Variants in SRFBP1 observed in about 807,000 individuals in gnomAD.
The protein encoded by SRFBP1 is serum response factor binding protein 1.
Under a neutral mutation model 45.5 loss-of-function variants are expected in SRFBP1, and 47 were observed. That is an observed-to-expected ratio of 1.03 (90% CI 0.82 to 1.32). SRFBP1 has a LOEUF of 1.32. SRFBP1 is among the 40% of genes most tolerant of loss of function. The pLI is 0.00. For missense variants in SRFBP1, 621 were observed against 484.6 expected (o/e 1.28, Z -2.64); for synonymous variants, 203 against 166.3 (o/e 1.22, Z -1.70).
chr5:122,039,809 C>A (rs1220054068), intron 2 of SRFBP1, among the ~76,000 whole-genome samples: 1 of 152,074 alleles, frequency 6.6e-6, no homozygotes, highest in Non-Finnish European at 1.5e-5. Context: ...ATTATCCTTA[C>A]ACATATATGA....
chr5:121,963,216 A>G (rs1297385693), intron 1 of SRFBP1, among the ~76,000 whole-genome samples: 1 of 152,210 alleles, frequency 6.6e-6, no homozygotes, highest in African/African-American at 2.4e-5. Flanking sequence ...AACTTGTGAG[A>G]TGAAGAAGGA....
intron 2 of SRFBP1, among the ~76,000 whole-genome samples, chr5:122,055,829 G>A (rs1471819497): frequency 1.3e-5 from 2 of 152,196 alleles, no homozygotes; most frequent in African/African-American, 4.8e-5. Context: ...TGTTGTGAAA[G>A]TTGAAACCAG....
chr5:122,003,317 C>T lies in SRFBP1; in HGVS notation c.270+8647C>T, dbSNP rs116973680. ...CTGTGATCATGCCACTGCACTCCAG[C>T]ATGGGCAAGAGTGAGACCCTGTCTC... On this transcript the variant is annotated intron_variant, in intron 4 of 7. Transcript: ENST00000339397. 5.2e-3 allele frequency among the ~76,000 whole-genome samples: 764 copies of T among 145,992 alleles called. 20 individuals carry two copies. In the East Asian group the frequency reaches 0.053, roughly 10 times the overall value.
chr5:122,003,832 A>G (rs184627357), intron 4 of SRFBP1, among the ~76,000 whole-genome samples: 4 of 152,066 alleles, frequency 2.6e-5, no homozygotes, highest in East Asian at 1.9e-4. Context: ...CATTTTTTAT[A>G]TATCTGTTGG....
chr5:121,972,636 A>G (rs137917876), intron 1 of SRFBP1, among the ~76,000 whole-genome samples: 6 of 152,034 alleles, frequency 3.9e-5, no homozygotes, highest in African/African-American at 1.4e-4. Context: ...GTTATCATGT[A>G]TCTAAACTGC....
At chr5:121,994,410 T>C (rs1279036404) in intron 3 of SRFBP1, among the ~76,000 whole-genome samples, 189 bp from the exon 4 acceptor site, 1 of 151,982 alleles carries the variant, frequency 6.6e-6, no homozygotes, top group East Asian at 1.9e-4. Context: ...ATAGGCACAT[T>C]ACACTAATTC....
intron 3 of SRFBP1, among the ~76,000 whole-genome samples, chr5:121,988,219 C>A (rs1347890648): frequency 6.6e-6 from 1 of 152,084 alleles, no homozygotes; most frequent in African/African-American, 2.4e-5. Context: ...AGCCACAAAG[C>A]AGAATACAAG....
At chr5:122,077,485 C>A (rs750884711), downstream of SRFBP1, 2 of 1,613,994 alleles carry the variant, frequency 1.2e-6, no homozygotes, top group Non-Finnish European at 1.7e-6. This position sits in a 1 kb window ranked among gnomAD's most constrained non-coding sequence, Gnocchi z 4.9. Flanking sequence ...GGTCGTCGCC[C>A]ACCATGCCGT....
At chr5:122,054,855 C>T (rs983114858) in intron 2 of SRFBP1, among the ~76,000 whole-genome samples, 2 of 152,170 alleles carry the variant, frequency 1.3e-5, no homozygotes, top group African/African-American at 2.4e-5. Context: ...CACACCTTTT[C>T]ATTTTTTCCC....
chr5:122,063,369 T>C (rs1754217339), intron 2 of SRFBP1: 1 of 151,906 alleles, frequency 6.6e-6, no homozygotes, highest in African/African-American at 2.4e-5. Context: ...CTGAAAAATT[T>C]GGGAGAAGCT....
chr5:121,966,879 A>G (rs1001298202), intron 1 of SRFBP1, among the ~76,000 whole-genome samples: 1 of 150,066 alleles, frequency 6.7e-6, no homozygotes, highest in Non-Finnish European at 1.5e-5. Context: ...TCCTGGGTTC[A>G]CGCCATTCTT....
rs1008653995 is a variant in SRFBP1, at chr5:122,027,823, A to G, written c.*697A>G. On this transcript the variant is annotated 3_prime_UTR_variant, in exon 8 of 8. Transcript: ENST00000339397. ...AATAGTTGTCTAGGACAATTTTGGG[A>G]TTCTTAATTATATTTTAGTTAAGAA... 3 of 152,176 alleles carry G rather than the reference A, an allele frequency of 2.0e-5. No individual in the cohort carries two copies. Among genetic ancestry groups the G allele is most frequent in the African/African-American group, 7.2e-5 (3 of 41,450 alleles). The allele number at this position is 152,176 out of a possible 1,614,324, so 9.4% of individuals were successfully genotyped here. A position where few individuals can be genotyped will look rare whatever the true frequency, so the allele number is the denominator to read the frequency against.
chr5:122,014,613 A>G (rs1353991487), intron 4 of SRFBP1, among the ~76,000 whole-genome samples: 1 of 152,188 alleles, frequency 6.6e-6, no homozygotes, highest in Non-Finnish European at 1.5e-5. Flanking sequence ...TAATTATAGA[A>G]TTGTAAATCT....
intron 2 of SRFBP1, among the ~76,000 whole-genome samples, chr5:122,069,543 T>C (rs772082957): frequency 6.6e-6 from 1 of 152,128 alleles, no homozygotes; most frequent in Non-Finnish European, 1.5e-5. Flanking sequence ...CCTCAATCTT[T>C]TGCAGAGTAT....
In SRFBP1 at chr5:121,963,689, T is replaced by G. The variant is rs78022093; in HGVS notation, c.36+1621T>G. Among the ~76,000 whole-genome samples, 788 of 152,316 alleles carry G rather than the reference T, an allele frequency of 5.2e-3. 20 individuals carry two copies. In the East Asian group the frequency reaches 0.053, roughly 10 times the overall value. ...GTAACTGTTTCTGTCTTCCTGTGTT[T>G]ATGTGTCTATCATGTGTAGCACATA... On this transcript the variant is annotated intron_variant, in intron 1 of 7. Coordinates refer to ENST00000339397, the MANE Select transcript of SRFBP1 (RefSeq NM_152546.3).
At chr5:121,997,757 A>C (rs567389198) in intron 4 of SRFBP1, among the ~76,000 whole-genome samples, 1 of 151,936 alleles carries the variant, frequency 6.6e-6, no homozygotes, top group Non-Finnish European at 1.5e-5. Flanking sequence ...AATTTTCGCA[A>C]CCTACTCATC....
chr5:122,008,407 T>C (rs1276259086), intron 4 of SRFBP1, among the ~76,000 whole-genome samples: 1 of 152,136 alleles, frequency 6.6e-6, no homozygotes, highest in Non-Finnish European at 1.5e-5. Context: ...CTGGTTTTAC[T>C]GGAGTAGGTT....
chr5:122,065,699 T>C (rs533831152), intron 2 of SRFBP1: 1 of 152,074 alleles, frequency 6.6e-6, no homozygotes, highest in Non-Finnish European at 1.5e-5. Flanking sequence ...ATTCCTCTAA[T>C]AGCTGAACAT....
intron 4 of SRFBP1, among the ~76,000 whole-genome samples, chr5:122,008,822 T>C (rs1302034720): frequency 6.6e-6 from 1 of 152,178 alleles, no homozygotes; most frequent in Non-Finnish European, 1.5e-5. Flanking sequence ...GGTTATGGAA[T>C]ATGGCATATT....
Sources: gnomAD v4.1 joint callset for allele counts (sites outside exome capture counted in the v4.1 genomes callset) on GRCh38, gnomAD v4.1.1 for gene constraint, Gnocchi (gnomAD v3.1) non-coding constraint, MANE v1.5 for transcripts, NCBI Gene and HGNC (gene_info 2026-07-23, HGNC 2026-07-21) for gene names.